TM4SF4: variants seen among roughly 807,000 people sequenced by gnomAD.
TM4SF4 encodes the protein transmembrane 4 L6 family member 4.
In TM4SF4, 24 loss-of-function variants were observed where a neutral mutation model predicts 24.1. The ratio of observed to expected loss-of-function variants is 1.00; its 90% CI spans 0.72 to 1.40. The LOEUF (loss-of-function observed/expected upper bound fraction) is 1.40. Ranked by LOEUF, TM4SF4 falls within the 40% of genes most tolerant of loss-of-function variation. The probability of loss-of-function intolerance (pLI) is 0.00; values close to 1 mark genes in which losing one functional copy is unlikely to be tolerated. For synonymous variants in TM4SF4, 113 were observed against 97.0 expected (o/e 1.17, Z -0.97); for missense variants, 254 against 254.2 (o/e 1.00, Z 0.01).
intron 3 of TM4SF4, among the ~76,000 whole-genome samples, chr3:149,492,396 C>T (rs538013028): frequency 6.6e-6 from 1 of 152,054 alleles, no homozygotes; most frequent in Admixed American, 6.5e-5. Context: ...TAAAGAACAC[C>T]CTAGAAGGAA....
At chr3:149,480,272 T>C (rs949696862) in intron 2 of TM4SF4, among the ~76,000 whole-genome samples, 1 of 152,104 alleles carries the variant, frequency 6.6e-6, no homozygotes. Context: ...ATGGATCTCT[T>C]GGGGCGCAGT....
At chr3:149,487,911 C>T (rs77270001) in intron 3 of TM4SF4, among the ~76,000 whole-genome samples, 156 bp downstream of exon 3, 4,819 of 152,278 alleles carry the variant, frequency 0.032, 88 homozygotes, top group Middle Eastern at 0.065. Flanking sequence ...TGGAATACAG[C>T]AAAGTTGCAT....
intron 3 of TM4SF4, among the ~76,000 whole-genome samples, chr3:149,492,221 A>C (rs1001058898): frequency 6.6e-6 from 1 of 152,208 alleles, no homozygotes; most frequent in Admixed American, 6.5e-5. Context: ...AGGAGAAAAG[A>C]GGAAGGTAAT....
At chr3:149,496,268 G>A (rs2107875434) in intron 3 of TM4SF4, among the ~76,000 whole-genome samples, 1 of 152,120 alleles carries the variant, frequency 6.6e-6, no homozygotes, top group East Asian at 1.9e-4. Flanking sequence ...GGAGTGCAGT[G>A]GCACAACCTC....
At chr3:149,483,865 G>T (rs975583757) in intron 2 of TM4SF4, among the ~76,000 whole-genome samples, 1 of 150,808 alleles carries the variant, frequency 6.6e-6, no homozygotes, top group Non-Finnish European at 1.5e-5. Flanking sequence ...GCTGCAACCC[G>T]TGCGTCCCAT....
rs57490268 is a variant in TM4SF4, at chr3:149,489,794, C to CA, written c.401+2040dup. Among the ~76,000 whole-genome samples, 1,076 of 152,212 alleles carry CA rather than the reference C, an allele frequency of 7.1e-3. 8 individuals are homozygous for CA. Among genetic ancestry groups the CA allele is most frequent in the African/African-American group, 0.024 (981 of 41,536 alleles). On this transcript the variant is annotated intron_variant, in intron 3 of 4. Transcript: ENST00000305354. ...ACCCCTCACAACAGCAACTAACCAG[C>CA]ATCAAGAACAGGTACCAGATTATAA...
chr3:149,501,701 A>G (rs954958536), intron 4 of TM4SF4, among the ~76,000 whole-genome samples: 27 of 152,220 alleles, frequency 1.8e-4, no homozygotes, highest in Admixed American at 6.5e-5. Context: ...TCCACAGCTT[A>G]CTAGCTGAGT....
intron 2 of TM4SF4, among the ~76,000 whole-genome samples, chr3:149,481,663 C>A (rs72996034): frequency 0.045 from 6,908 of 152,260 alleles, 156 homozygotes; most frequent in Middle Eastern, 0.071. Flanking sequence ...CCAGGACACA[C>A]CATGTGTGGA....
chr3:149,480,832 T>C (rs541824141), intron 2 of TM4SF4, among the ~76,000 whole-genome samples: 7 of 152,290 alleles, frequency 4.6e-5, no homozygotes, highest in Non-Finnish European at 1.5e-5. Context: ...ATTTTTATTC[T>C]ACTTCTACAT....
At chr3:149,493,883 AC>A (rs562458796) in intron 3 of TM4SF4, among the ~76,000 whole-genome samples, 220 of 152,270 alleles carry the variant, frequency 1.4e-3, no homozygotes, top group African/African-American at 5.2e-3. Context: ...ATCTGAATTC[AC>A]CAGACAGAGC....
chr3:149,482,093 G>A (rs72615627), intron 2 of TM4SF4, among the ~76,000 whole-genome samples: 9,702 of 152,278 alleles, frequency 0.064, 622 homozygotes, highest in East Asian at 0.34. Flanking sequence ...CCTATCCCAC[G>A]TGGGGATGAT....
chr3:149,478,955 C>T (rs530160964), intron 2 of TM4SF4, among the ~76,000 whole-genome samples: 229 of 151,954 alleles, frequency 1.5e-3, no homozygotes, highest in African/African-American at 5.2e-3. Flanking sequence ...TTGTTAGAGA[C>T]GGGGTTTCAC....
Position 149,475,763 on chromosome 3 carries a change from C to G in TM4SF4, c.175-60C>G, listed in dbSNP as rs1187915058. On this transcript the variant is annotated intron_variant, in intron 1 of 4. Coordinates refer to ENST00000305354, the MANE Select transcript of TM4SF4 (RefSeq NM_004617.4). Reference sequence around the variant, plus strand: ...GGATGGGGCTCCTTATACAGTCAGGCAGGCTCGGGCCCTCCCTTCAACTCC... The same window carrying G: ...GGATGGGGCTCCTTATACAGTCAGGGAGGCTCGGGCCCTCCCTTCAACTCC... The G allele has an allele frequency of 3.0e-5, 43 of 1,437,422 alleles. No individual in the cohort carries two copies. In the South Asian group the frequency reaches 5.0e-4, roughly 17 times the overall value. The allele number at this position is 1,437,422 out of a possible 1,614,324, so 89.0% of individuals were successfully genotyped here.
chr3:149,477,351 A>G (rs1733951061), intron 2 of TM4SF4, among the ~76,000 whole-genome samples: 1 of 152,244 alleles, frequency 6.6e-6, no homozygotes. Context: ...ACTGGTCTGA[A>G]AAATGAGGAA....
intron 2 of TM4SF4, among the ~76,000 whole-genome samples, chr3:149,487,388 C>G (rs1734136841): frequency 6.6e-6 from 1 of 152,128 alleles, no homozygotes; most frequent in Non-Finnish European, 1.5e-5. Context: ...AGAACCAACA[C>G]CTCTGTCATC....
At chr3:149,495,364 A>G in intron 3 of TM4SF4, 2 of 311,900 alleles carry the variant, frequency 6.4e-6, no homozygotes, top group South Asian at 6.5e-5. Flanking sequence ...AACTCATCCA[A>G]CCGACAAGCC....
In TM4SF4 at chr3:149,474,823, G is replaced by T. The variant is rs373855780; in HGVS notation, c.-55G>T. ...GGCCAAAAACCCTTGAAGAGGCCCC[G>T]TGAAGGAGGCAGTGAGGAGCTTTTG... On this transcript the variant is annotated 5_prime_UTR_variant, in exon 1 of 5. Coordinates refer to ENST00000305354, the MANE Select transcript of TM4SF4 (RefSeq NM_004617.4). 115 of 1,536,830 alleles carry T rather than the reference G, an allele frequency of 7.5e-5. No homozygotes were observed. The South Asian group carries it at 1.4e-3, about 19-fold the overall frequency.
chr3:149,501,221 C>T (rs954366867), intron 4 of TM4SF4, among the ~76,000 whole-genome samples: 3 of 152,118 alleles, frequency 2.0e-5, no homozygotes, highest in East Asian at 1.9e-4. Flanking sequence ...CTGAGTCACT[C>T]GATAGGTTGA....
chr3:149,501,725 T>C (rs1162179125), intron 4 of TM4SF4, among the ~76,000 whole-genome samples: 1 of 152,242 alleles, frequency 6.6e-6, no homozygotes, highest in Non-Finnish European at 1.5e-5. Flanking sequence ...TCCAGCAAGC[T>C]GACTAACTTC....
Sources: gnomAD v4.1 joint callset for allele counts (sites outside exome capture counted in the v4.1 genomes callset) on GRCh38, gnomAD v4.1.1 for gene constraint, MANE v1.5 for transcripts, NCBI Gene and HGNC (gene_info 2026-07-23, HGNC 2026-07-21) for gene names.